SPHKAP: variants seen among roughly 807,000 people sequenced by gnomAD.
The protein encoded by SPHKAP is A-kinase anchor protein SPHKAP.
A neutral mutation model predicts 137.5 loss-of-function variants in SPHKAP; 67 were observed. That is an observed-to-expected ratio of 0.49 (90% CI 0.40 to 0.60). The LOEUF is 0.60. Among genes scored for constraint, SPHKAP ranks in the 20% least tolerant of loss-of-function variants. The pLI is 0.00. For synonymous variants in SPHKAP, 813 were observed against 785.3 expected (o/e 1.04, Z -0.59); for missense variants, 2,097 against 2,069.3 (o/e 1.01, Z -0.26).
chr2:228,126,037 G>A (rs570770437), intron 2 of SPHKAP, among the ~76,000 whole-genome samples: 132 of 152,090 alleles, frequency 8.7e-4, no homozygotes, highest in Middle Eastern at 6.8e-3. Flanking sequence ...CTGAGATCAC[G>A]CAACTGCACA....
Position 228,017,953 on chromosome 2 carries a change from C to G in SPHKAP, c.2901G>C (p.Glu967Asp). The G allele has an allele frequency of 6.2e-7, 1 of 1,614,128 alleles. No homozygotes were observed. The highest frequency in any genetic ancestry group is 8.5e-7 in the Non-Finnish European group (1 of 1,180,022). ...PWFCAWKRGS[E>D]FLMTPNVPCR... ...AGGGTACGTTGGGTGTCATCAGAAACTCACTCCCTCTTTTCCATGCACAAA... is the reference window on the plus strand; with the variant it reads ...AGGGTACGTTGGGTGTCATCAGAAAGTCACTCCCTCTTTTCCATGCACAAA... Residue 967 changes from glutamate to aspartate, a missense_variant, in exon 7 of 12, where the codon GAG becomes GAC. By Grantham distance (45) the Glu-to-Asp change is conservative. Coordinates refer to ENST00000392056, the MANE Select transcript of SPHKAP (RefSeq NM_001142644.2).
At chr2:228,025,293 T>C (rs1694992711) in intron 5 of SPHKAP, 101 bp downstream of exon 5, 7 of 1,223,754 alleles carry the variant, frequency 5.7e-6, no homozygotes, top group Non-Finnish European at 7.7e-6. Flanking sequence ...GATTCCTATG[T>C]TACAGAAGCT....
At chr2:228,040,841 TATATG>T (rs1233054181) in intron 3 of SPHKAP, among the ~76,000 whole-genome samples, 2 of 152,240 alleles carry the variant, frequency 1.3e-5, no homozygotes, top group African/African-American at 2.4e-5. Flanking sequence ...AGGATACACT[TATATG>T]TAATGTCTGA....
chr2:228,018,950 C>T lies in SPHKAP; in HGVS notation c.1904G>A (p.Ser635Asn), dbSNP rs779488806. The T allele has an allele frequency of 1.5e-5, 24 of 1,614,030 alleles. No individual in the cohort carries two copies. Among genetic ancestry groups the T allele is most frequent in the Non-Finnish European group, 1.8e-5 (21 of 1,180,018 alleles). ...CATGGAGTCCAGAAAGTCTCCAATG[C>T]TGCTGTAGGTATTAGGCCTTGTTAA... ...LVLTRPNTYSSIGDFLDSMNR... is the reference protein window; with the variant it reads ...LVLTRPNTYSNIGDFLDSMNR... Residue 635 changes from serine to asparagine, a missense_variant, in exon 7 of 12, where the codon AGC becomes AAC. Transcript: ENST00000392056.
At chr2:228,139,788 A>G (rs1220860708) in intron 1 of SPHKAP, among the ~76,000 whole-genome samples, 1 of 152,166 alleles carries the variant, frequency 6.6e-6, no homozygotes, top group South Asian at 2.1e-4. Flanking sequence ...AATGTAAGAT[A>G]GAAAGTACAC....
rs536183963 is a variant in SPHKAP, at chr2:228,130,896, T to A, written c.138+1084A>T. On this transcript the variant is annotated intron_variant, in intron 2 of 11. Coordinates refer to ENST00000392056, the MANE Select transcript of SPHKAP (RefSeq NM_001142644.2). ...ATCATACAACATGTGTTAATAAGAA[T>A]CCTTAATTAATTAGACAGTTTTTTC... Among the ~76,000 whole-genome samples, 35 of 152,232 alleles carry A rather than the reference T, an allele frequency of 2.3e-4. No homozygotes were observed. The South Asian group carries it at 7.0e-3, about 31-fold the overall frequency.
In SPHKAP at chr2:228,018,943, T is replaced by A. The variant is rs145515538; in HGVS notation, c.1911A>T (p.Gly637=). 26 of 1,614,058 alleles carry A rather than the reference T, an allele frequency of 1.6e-5. No homozygotes were observed. The highest frequency in any genetic ancestry group is 1.7e-5 in the Admixed American group (1 of 60,004). ...TCCTGTTCATGGAGTCCAGAAAGTC[T>A]CCAATGCTGCTGTAGGTATTAGGCC... The part of the protein sequence containing the change: ...LTRPNTYSSI[G]DFLDSMNRRI... The change falls in exon 7 of 12, where the codon GGA becomes GGT. Residue 637 remains glycine, a synonymous_variant. Transcript: ENST00000392056.
chr2:228,162,028 A>G lies in SPHKAP; in HGVS notation c.32+19539T>C, dbSNP rs939337973. On this transcript the variant is annotated intron_variant, in intron 1 of 11. Transcript: ENST00000392056. ...TAATCATGGCCCAGAGGAAGGAGTC[A>G]ATAGAAAATAGAAGGCATTTACCAA... 2.6e-5 allele frequency among the ~76,000 whole-genome samples: 4 copies of G among 152,222 alleles called. No individual in the cohort carries two copies. The East Asian group carries it at 7.7e-4, about 29-fold the overall frequency.
chr2:228,128,835 T>C (rs1158842590), intron 2 of SPHKAP, among the ~76,000 whole-genome samples: 3 of 152,196 alleles, frequency 2.0e-5, no homozygotes, highest in Admixed American at 2.0e-4. Context: ...TCTTTTTTTA[T>C]GAGCAGTAGG....
chr2:228,029,695 T>C (rs1695206400), intron 3 of SPHKAP, among the ~76,000 whole-genome samples: 3 of 152,350 alleles, frequency 2.0e-5, no homozygotes, highest in Admixed American at 1.3e-4. Flanking sequence ...AAGCAGTTCA[T>C]GATCTAGGGA....
chr2:228,096,547 C>CT (rs1318483892), intron 3 of SPHKAP, among the ~76,000 whole-genome samples: 1 of 152,002 alleles, frequency 6.6e-6, no homozygotes, highest in East Asian at 1.9e-4. Context: ...CACGAGTACT[C>CT]TATTTTCTAT....
At chr2:228,132,893 A>G (rs1574879787) in intron 1 of SPHKAP, among the ~76,000 whole-genome samples, 1 of 151,866 alleles carries the variant, frequency 6.6e-6, no homozygotes, top group East Asian at 1.9e-4. Context: ...AATCCCAGCT[A>G]CAAAGGAGGC....
At chr2:228,159,746 C>T (rs1700220661) in intron 1 of SPHKAP, among the ~76,000 whole-genome samples, 1 of 152,166 alleles carries the variant, frequency 6.6e-6, no homozygotes, top group African/African-American at 2.4e-5. Flanking sequence ...CTTCTATAGA[C>T]TACAGGGGGC....
chr2:228,008,089 T>C (rs528261726), intron 7 of SPHKAP, among the ~76,000 whole-genome samples: 1 of 152,250 alleles, frequency 6.6e-6, no homozygotes, highest in South Asian at 2.1e-4. Flanking sequence ...TTATTAGATA[T>C]GTATTTTAGA....
Position 227,981,407 on chromosome 2 carries a change from GTGT to G in SPHKAP, c.*307_*309del, listed in dbSNP as rs1692988842. 9.6e-6 allele frequency: 2 copies of G among 208,424 alleles called. No individual in the cohort carries two copies. The highest frequency in any genetic ancestry group is 1.9e-5 in the Non-Finnish European group (2 of 105,780). 12.9% of individuals were successfully genotyped at this position (208,424 alleles called of 1,614,324 possible). On this transcript the variant is annotated 3_prime_UTR_variant, in exon 12 of 12. Transcript: ENST00000392056. Reference sequence around the variant, plus strand: ...ATTTTATATGATTAAACTTATGTGAGTGTTGTTTTCCTGGAGATTGGGTCTCAT... The same window carrying G: ...ATTTTATATGATTAAACTTATGTGAGTGTTTTCCTGGAGATTGGGTCTCAT...
chr2:228,115,106 A>T (rs1698663248), intron 2 of SPHKAP, among the ~76,000 whole-genome samples: 2 of 152,126 alleles, frequency 1.3e-5, no homozygotes, highest in South Asian at 4.2e-4. Context: ...GGTGCCATAA[A>T]TATAAGTATT....
rs760510406 is a variant in SPHKAP, at chr2:228,019,277, G to A, written c.1577C>T (p.Ser526Leu). 4.3e-5 allele frequency: 70 copies of A among 1,613,854 alleles called. No homozygotes were observed. Among genetic ancestry groups the A allele is most frequent in the South Asian group, 1.5e-4 (14 of 91,084 alleles). Residue 526 changes from serine (S) to leucine (L), a missense_variant, in exon 7 of 12, where the codon TCG becomes TTG. Ser to Leu is a moderately radical substitution (Grantham distance 145). Transcript: ENST00000392056. ...ACCACTGCTCCCTGGGGGAAAGTTC[G>A]AGACCACTTGCTCCATTTTGAGTCT... ...TERLKMEQVV[S>L]NFPPGSSGAL...
intron 3 of SPHKAP, among the ~76,000 whole-genome samples, chr2:228,087,889 T>C (rs549456005): frequency 1.3e-5 from 2 of 152,220 alleles, no homozygotes; most frequent in Admixed American, 6.5e-5. Context: ...AGAAATAATA[T>C]CTAAAACCTA....
intron 4 of SPHKAP, among the ~76,000 whole-genome samples, 181 bp from the exon 5 acceptor site, chr2:228,025,709 G>A (rs1695007320): frequency 6.6e-6 from 1 of 152,088 alleles, no homozygotes; most frequent in South Asian, 2.1e-4. Context: ...GATTGAAAGA[G>A]AAAATATAAG....
Sources: allele counts gnomAD v4.1 joint callset (sites outside exome capture counted in the v4.1 genomes callset), GRCh38; gene constraint gnomAD v4.1.1; transcripts MANE v1.5; gene names NCBI Gene and HGNC (gene_info 2026-07-23, HGNC 2026-07-21).